TSHZ3: variants seen among roughly 807,000 people sequenced by gnomAD.
TSHZ3 encodes the protein teashirt zinc finger homeobox 3.
A neutral mutation model predicts 64.5 loss-of-function variants in TSHZ3; 10 were observed. The ratio of observed to expected loss-of-function variants is 0.16; its 90% confidence interval spans 0.10 to 0.26. The LOEUF (loss-of-function observed/expected upper bound fraction) is 0.26, where lower values mean the gene tolerates loss of function less well. Ranked by LOEUF, TSHZ3 falls within the 10% of genes least tolerant of loss-of-function variation. The probability of loss-of-function intolerance (pLI) is 1.00; values close to 1 mark genes in which losing one functional copy is unlikely to be tolerated. For synonymous variants in TSHZ3, 608 were observed against 593.1 expected (o/e 1.03, Z -0.36); for missense variants, 1,242 against 1,421.7 (o/e 0.87, Z 2.03).
rs767075068 is a variant in TSHZ3, at chr19:31,276,585, C to A, written c.3208G>T (p.Asp1070Tyr). 14 of 1,585,382 alleles carry A rather than the reference C, an allele frequency of 8.8e-6. No individual in the cohort carries two copies. The highest frequency in any genetic ancestry group is 1.3e-5 in the African/African-American group (1 of 74,224). The change falls in exon 2 of 2, where the codon GAC becomes TAC. Residue 1070 changes from aspartate to tyrosine, a missense_variant. Transcript: ENST00000240587. ...AACTCAGAGACATACAGAAGGTGGT[C>A]TTCCGGAGATTTCCCGTGTGTTTTG... ...LSKTHGKSPE[D>Y]HLLYVSELEK...
intron 3 of TSHZ3, among the ~76,000 whole-genome samples, chr19:31,239,838 C>T (rs749405061): frequency 1.3e-5 from 2 of 152,142 alleles, no homozygotes; most frequent in Non-Finnish European, 2.9e-5. Flanking sequence ...CTACCATGGC[C>T]TCCCAAACAC....
chr19:31,258,373 C>T (rs1975940519), intron 1 of TSHZ3, among the ~76,000 whole-genome samples: 1 of 152,184 alleles, frequency 6.6e-6, no homozygotes, highest in Non-Finnish European at 1.5e-5. Flanking sequence ...GGACATGGAA[C>T]AGGACTGCTG....
At chr19:31,185,747 G>A (rs963231318) in intron 5 of TSHZ3, among the ~76,000 whole-genome samples, 2 of 152,156 alleles carry the variant, frequency 1.3e-5, no homozygotes, top group African/African-American at 2.4e-5. Context: ...GCACAGCCAC[G>A]TGCAATTCAC....
At chr19:31,215,689 GGTGAAA>G (rs930401113) in intron 4 of TSHZ3, among the ~76,000 whole-genome samples, 1 of 152,082 alleles carries the variant, frequency 6.6e-6, no homozygotes, top group African/African-American at 2.4e-5. Context: ...TGACCAACAT[GGTGAAA>G]CCCTGCCTCT....
chr19:31,268,875 C>A (rs948983801), intron 1 of TSHZ3, among the ~76,000 whole-genome samples: 2 of 152,142 alleles, frequency 1.3e-5, no homozygotes, highest in Admixed American at 6.5e-5. Context: ...GCCATTTCAA[C>A]ACAGGGAGGG....
intron 4 of TSHZ3, among the ~76,000 whole-genome samples, chr19:31,206,978 G>C (rs1203976304): frequency 6.6e-6 from 1 of 152,098 alleles, no homozygotes; most frequent in African/African-American, 2.4e-5. Flanking sequence ...AATTTTTTTA[G>C]TCTTGCAACA....
intron 3 of TSHZ3, among the ~76,000 whole-genome samples, chr19:31,229,548 T>C (rs1027830230): frequency 6.6e-6 from 1 of 152,210 alleles, no homozygotes. Context: ...GAAGGAAATA[T>C]AGGTGCATGT....
chr19:31,226,582 T>C (rs905313995), intron 4 of TSHZ3, among the ~76,000 whole-genome samples: 1 of 152,146 alleles, frequency 6.6e-6, no homozygotes, highest in African/African-American at 2.4e-5. Context: ...ATCAGCAGCG[T>C]GAAAATGGAC....
At chr19:31,172,525 T>C (rs1225838723) in intron 5 of TSHZ3, among the ~76,000 whole-genome samples, 1 of 152,184 alleles carries the variant, frequency 6.6e-6, no homozygotes, top group Non-Finnish European at 1.5e-5. Context: ...GTTCCTTCAG[T>C]AAACTTCAAA....
intron 5 of TSHZ3, chr19:31,195,797 C>T (rs1974981307): frequency 6.6e-6 from 1 of 151,898 alleles, no homozygotes; most frequent in Non-Finnish European, 1.5e-5. Context: ...TTTTTGTATA[C>T]ATGCATACAT....
At chr19:31,285,175 T>C (rs1362952813) in intron 1 of TSHZ3, among the ~76,000 whole-genome samples, 2 of 152,102 alleles carry the variant, frequency 1.3e-5, no homozygotes, top group East Asian at 3.9e-4. Context: ...CACACTCAAA[T>C]ACCCTCTTCA....
intron 1 of TSHZ3, among the ~76,000 whole-genome samples, chr19:31,302,263 G>A (rs957351373): frequency 2.4e-4 from 36 of 152,160 alleles, no homozygotes; most frequent in African/African-American, 8.2e-4. Context: ...CTGACCCTCC[G>A]CCCTTGTGAT....
chr19:31,317,834 T>G (rs940982373), intron 1 of TSHZ3, among the ~76,000 whole-genome samples: 1 of 152,204 alleles, frequency 6.6e-6, no homozygotes, highest in Non-Finnish European at 1.5e-5. Context: ...CCTCTGCATC[T>G]CTTTCACGCC....
At chr19:31,346,448 C>T (rs1238823251) in intron 1 of TSHZ3, among the ~76,000 whole-genome samples, 4 of 152,190 alleles carry the variant, frequency 2.6e-5, no homozygotes, top group African/African-American at 9.7e-5. Flanking sequence ...CATCTCCAAT[C>T]ATTAAAGCTG....
intron 3 of TSHZ3, among the ~76,000 whole-genome samples, chr19:31,235,631 C>T (rs916128796): frequency 5.5e-5 from 6 of 109,932 alleles, no homozygotes; most frequent in East Asian, 2.4e-4. Context: ...TTCTTTCTTT[C>T]CTCTTTCTTT....
At chr19:31,309,496 T>C (rs963135439) in intron 1 of TSHZ3, among the ~76,000 whole-genome samples, 3 of 152,024 alleles carry the variant, frequency 2.0e-5, no homozygotes, top group Admixed American at 2.0e-4. Flanking sequence ...CAGTATAACA[T>C]ATGACACTCA....
chr19:31,347,780 G>T (rs1345868242), intron 1 of TSHZ3, among the ~76,000 whole-genome samples: 1 of 152,194 alleles, frequency 6.6e-6, no homozygotes, highest in Admixed American at 6.5e-5. Flanking sequence ...TGGCAGGCAA[G>T]TACATTTCTG....
chr19:31,348,019 G>A (rs181135035), intron 1 of TSHZ3, among the ~76,000 whole-genome samples: 2 of 152,258 alleles, frequency 1.3e-5, no homozygotes, highest in Non-Finnish European at 2.9e-5. Context: ...TAAAAGAAAG[G>A]AAGAGAAAAG....
At chr19:31,222,027 G>T (rs1191718969) in intron 4 of TSHZ3, among the ~76,000 whole-genome samples, 1 of 152,094 alleles carries the variant, frequency 6.6e-6, no homozygotes, top group African/African-American at 2.4e-5. Flanking sequence ...CAGTGTACGT[G>T]GTTGAGTTTG....
Sources: gnomAD v4.1 joint callset for allele counts (sites outside exome capture counted in the v4.1 genomes callset) on GRCh38, gnomAD v4.1.1 for gene constraint, MANE v1.5 for transcripts, NCBI Gene and HGNC (gene_info 2026-07-23, HGNC 2026-07-21) for gene names.